The following CSMD1 variants were observed in gnomAD, a reference collection of about 807,000 sequenced individuals.
The protein encoded by CSMD1 is CUB and sushi domain-containing protein 1.
In CSMD1, 213 loss-of-function variants were observed where a neutral mutation model predicts 417.5. The ratio of observed to expected loss-of-function variants is 0.51; its 90% CI spans 0.46 to 0.57. CSMD1 has a LOEUF of 0.57. CSMD1 is among the 20% of genes least tolerant of loss of function. The pLI, the probability that CSMD1 is intolerant of heterozygous loss-of-function variation, is 0.00. For missense variants in CSMD1, 6,923 were observed against 4,529.7 expected (o/e 1.53, Z -15.17); for synonymous variants, 2,862 against 1,736.8 (o/e 1.65, Z -16.11).
chr8:3,545,851 A>C (rs189049424), intron 10 of CSMD1, among the ~76,000 whole-genome samples: 1 of 152,348 alleles, frequency 6.6e-6, no homozygotes, highest in Admixed American at 6.5e-5. Context: ...TTGGCCACAA[A>C]AAGCAAAGTC....
intron 5 of CSMD1, among the ~76,000 whole-genome samples, chr8:3,995,751 C>T (rs1158754129): frequency 6.6e-6 from 1 of 152,198 alleles, no homozygotes; most frequent in Non-Finnish European, 1.5e-5. Context: ...CAATATAAGT[C>T]ATCCCAAGAA....
intron 6 of CSMD1, among the ~76,000 whole-genome samples, chr8:3,714,739 C>G (rs943788509): frequency 1.3e-5 from 2 of 151,584 alleles, no homozygotes; most frequent in African/African-American, 4.9e-5. Context: ...CCTTTAGTTT[C>G]TCAAAAAAAC....
At chr8:3,825,289 G>C (rs2129084681) in intron 5 of CSMD1, among the ~76,000 whole-genome samples, 1 of 152,242 alleles carries the variant, frequency 6.6e-6, no homozygotes, top group East Asian at 1.9e-4. Flanking sequence ...CAGCACTTTG[G>C]GAGACCGCGA....
At chr8:4,463,343 G>C (rs1799956949) in intron 2 of CSMD1, among the ~76,000 whole-genome samples, 1 of 152,180 alleles carries the variant, frequency 6.6e-6, no homozygotes, top group Non-Finnish European at 1.5e-5. Context: ...TGAGAATATA[G>C]AATGGTGCGT....
intron 5 of CSMD1, among the ~76,000 whole-genome samples, chr8:3,765,502 G>T (rs1994055): frequency 0.34 from 51,517 of 151,990 alleles, 8,855 homozygotes; most frequent in Non-Finnish European, 0.37. Context: ...CCCACTGAGG[G>T]CATTGGTGCT....
chr8:4,343,723 G>A (rs1462776529), intron 3 of CSMD1, among the ~76,000 whole-genome samples: 1 of 152,012 alleles, frequency 6.6e-6, no homozygotes, highest in African/African-American at 2.4e-5. Flanking sequence ...CTTCGACTAG[G>A]TCCATAAGGA....
intron 49 of CSMD1, among the ~76,000 whole-genome samples, chr8:3,076,247 G>C (rs1011005695): frequency 1.1e-5 from 1 of 93,420 alleles, no homozygotes; most frequent in East Asian, 2.1e-4. Context: ...TTTGTGTGTA[G>C]ACATCATCTT....
At chr8:4,276,648 A>G (rs113652395) in intron 3 of CSMD1, among the ~76,000 whole-genome samples, 1 of 152,206 alleles carries the variant, frequency 6.6e-6, no homozygotes, top group Non-Finnish European at 1.5e-5. Context: ...GTAGTGATTC[A>G]AAGTCTTATT....
rs976403872 is a variant in CSMD1, at chr8:3,480,023, T to C, written c.1449-11199A>G. Among the ~76,000 whole-genome samples, 7 of 152,166 alleles carry C rather than the reference T, an allele frequency of 4.6e-5. No individual in the cohort carries two copies. The East Asian group carries it at 5.8e-4, about 13-fold the overall frequency. ...ATAGAATCAGTGAACTTGAGATCAA[T>C]GGAATTCTCCTACACTAAACAACAG... On this transcript the variant is annotated intron_variant, in intron 11 of 69. Coordinates refer to ENST00000635120, the MANE Select transcript of CSMD1 (RefSeq NM_033225.6).
chr8:3,709,409 G>A lies in CSMD1; in HGVS notation c.932-918C>T, dbSNP rs144605253. On this transcript the variant is annotated intron_variant, in intron 6 of 69. Transcript: ENST00000635120. ...TGCCTCTGAGCCTGTGACTCTATGT[G>A]TAAATAGCTGTGAGGGTTAGTTTTA... is the stretch of plus-strand genomic sequence containing the variant. Among the ~76,000 whole-genome samples, 579 of 152,214 alleles carry A rather than the reference G, an allele frequency of 3.8e-3. 7 individuals are homozygous for A. The highest frequency in any genetic ancestry group is 0.013 in the African/African-American group (544 of 41,534).
intron 2 of CSMD1, among the ~76,000 whole-genome samples, chr8:4,525,859 A>G (rs957477354): frequency 6.6e-6 from 1 of 152,126 alleles, no homozygotes; most frequent in Non-Finnish European, 1.5e-5. Context: ...CCACAGTTCC[A>G]TCGTGATTCT....
At chr8:3,289,823 T>A (rs1445948676) in intron 25 of CSMD1, among the ~76,000 whole-genome samples, 1 of 147,368 alleles carries the variant, frequency 6.8e-6, no homozygotes, top group Non-Finnish European at 1.5e-5. Flanking sequence ...AGAAGCTCTT[T>A]AGTTTAATTA....
chr8:3,506,285 A>C (rs1490998113), intron 10 of CSMD1, among the ~76,000 whole-genome samples: 1 of 152,162 alleles, frequency 6.6e-6, no homozygotes, highest in African/African-American at 2.4e-5. Context: ...GACACTACTT[A>C]AGTGCCTCAG....
chr8:4,673,877 G>T (rs1017098825), intron 1 of CSMD1, among the ~76,000 whole-genome samples: 1 of 152,004 alleles, frequency 6.6e-6, no homozygotes, highest in Non-Finnish European at 1.5e-5. Flanking sequence ...GAGGGGCTGG[G>T]GAATGGTAAT....
chr8:3,608,026 G>C (rs1801703927), intron 8 of CSMD1, among the ~76,000 whole-genome samples: 1 of 152,118 alleles, frequency 6.6e-6, no homozygotes. Flanking sequence ...AAAATAATTA[G>C]CCAGCCGTGG....
intron 33 of CSMD1, among the ~76,000 whole-genome samples, chr8:3,195,847 T>G (rs1397992627): frequency 6.6e-6 from 1 of 152,180 alleles, no homozygotes; most frequent in African/African-American, 2.4e-5. Flanking sequence ...CAAGAAAGCT[T>G]GCTAATGCAG....
At chr8:4,918,090 T>TA (rs146798614) in intron 1 of CSMD1, among the ~76,000 whole-genome samples, 89,438 of 151,346 alleles carry the variant, frequency 0.59, 26,970 homozygotes, top group East Asian at 0.86. Flanking sequence ...AGCAATACTT[T>TA]TAAAAAAAGA....
At chr8:4,990,728 C>A (rs746489708) in intron 1 of CSMD1, among the ~76,000 whole-genome samples, 3 of 152,000 alleles carry the variant, frequency 2.0e-5, no homozygotes, top group Non-Finnish European at 2.9e-5. Context: ...AGTGTCCTGG[C>A]TTCATCAGGA....
intron 2 of CSMD1, among the ~76,000 whole-genome samples, chr8:4,621,948 T>C (rs1801802370): frequency 1.3e-5 from 2 of 152,002 alleles, no homozygotes; most frequent in South Asian, 2.1e-4. Flanking sequence ...TTTTAATTGA[T>C]GCCAAAATCA....
Sources: allele counts gnomAD v4.1 joint callset (sites outside exome capture counted in the v4.1 genomes callset), GRCh38; gene constraint gnomAD v4.1.1; transcripts MANE v1.5; gene names NCBI Gene and HGNC (gene_info 2026-07-23, HGNC 2026-07-21).